PDGFD: variants seen among roughly 807,000 people sequenced by gnomAD.
PDGFD encodes platelet derived growth factor D.
Under a neutral mutation model 44.7 loss-of-function variants are expected in PDGFD, and 30 were observed. The ratio of observed to expected loss-of-function variants is 0.67; its 90% CI spans 0.50 to 0.91. The LOEUF is 0.91. Ranked by LOEUF, PDGFD falls within the 40% of genes least tolerant of loss-of-function variation. PDGFD has a pLI of 0.00. For missense variants in PDGFD, 445 were observed against 457.8 expected, an observed-to-expected ratio of 0.97 and a Z score of 0.25; for synonymous variants, 173 against 168.4, an observed-to-expected ratio of 1.03 and a Z score of -0.21.
chr11:104,078,021 T>TACTGGTTATGCC (rs1555050554), intron 1 of PDGFD, among the ~76,000 whole-genome samples: 247 of 151,254 alleles, frequency 1.6e-3, no homozygotes, highest in Middle Eastern at 6.8e-3. Flanking sequence ...ACAGGAAATA[T>TACTGGTTATGCC]GCTGGTTATG....
At chr11:104,106,766 C>A (rs545294376) in intron 1 of PDGFD, among the ~76,000 whole-genome samples, 2 of 147,852 alleles carry the variant, frequency 1.4e-5, no homozygotes, top group Non-Finnish European at 3.0e-5. Flanking sequence ...TTTTTCAAGT[C>A]AGAATCTCAC....
intron 1 of PDGFD, among the ~76,000 whole-genome samples, chr11:104,062,371 T>C (rs1372347523): frequency 3.3e-5 from 5 of 152,246 alleles, no homozygotes; most frequent in South Asian, 2.1e-4. Context: ...TCGTAAGATC[T>C]GGCTCTTCCT....
intron 1 of PDGFD, among the ~76,000 whole-genome samples, chr11:104,111,103 T>A (rs185625908): frequency 1.1e-4 from 16 of 152,128 alleles, no homozygotes; most frequent in Middle Eastern, 3.4e-3. Context: ...ATAACACTGA[T>A]TATAACTACA....
intron 6 of PDGFD, among the ~76,000 whole-genome samples, chr11:103,924,836 T>G (rs553510353): frequency 6.6e-6 from 1 of 152,192 alleles, no homozygotes; most frequent in African/African-American, 2.4e-5. Flanking sequence ...TATTATACTT[T>G]AAGTTGTGGG....
At chr11:103,987,065 A>ACCCC (rs10565380) in intron 3 of PDGFD, among the ~76,000 whole-genome samples, 47 of 141,624 alleles carry the variant, frequency 3.3e-4, no homozygotes, top group East Asian at 4.3e-4. Flanking sequence ...CCACTTTCCA[A>ACCCC]CCCCCCCCCA....
intron 1 of PDGFD, among the ~76,000 whole-genome samples, chr11:104,001,524 A>G (rs915598366): frequency 6.6e-6 from 1 of 152,218 alleles, no homozygotes. Flanking sequence ...GGGTCCCCCA[A>G]ACTTGCAGCT....
chr11:103,924,412 G>A (rs1265388114), intron 6 of PDGFD, among the ~76,000 whole-genome samples: 2 of 152,152 alleles, frequency 1.3e-5, no homozygotes, highest in Non-Finnish European at 2.9e-5. Context: ...GAGTTCATCA[G>A]TTCATACAAA....
At chr11:104,008,373 T>C (rs766174540) in intron 1 of PDGFD, among the ~76,000 whole-genome samples, 2 of 152,146 alleles carry the variant, frequency 1.3e-5, no homozygotes, top group Non-Finnish European at 2.9e-5. Flanking sequence ...ATATGTAACA[T>C]TTTATTATAT....
chr11:104,000,899 T>C (rs1327411710), intron 1 of PDGFD, among the ~76,000 whole-genome samples: 1 of 152,252 alleles, frequency 6.6e-6, no homozygotes, highest in Non-Finnish European at 1.5e-5. Context: ...GTTTTTGTAC[T>C]GGGTTCTTGG....
chr11:104,007,545 C>T (rs746086994), intron 1 of PDGFD, among the ~76,000 whole-genome samples: 6 of 152,122 alleles, frequency 3.9e-5, no homozygotes, highest in Non-Finnish European at 8.8e-5. Flanking sequence ...CAGGCTGTGC[C>T]ATCTCACACA....
At chr11:103,938,310 A>T (rs947238740) in intron 5 of PDGFD, among the ~76,000 whole-genome samples, 15 of 152,200 alleles carry the variant, frequency 9.9e-5, no homozygotes, top group African/African-American at 3.1e-4. Flanking sequence ...GCCAGTGATG[A>T]TGAGTATTTT....
chr11:103,948,095 T>C (rs577246613), intron 3 of PDGFD, among the ~76,000 whole-genome samples: 11 of 152,332 alleles, frequency 7.2e-5, no homozygotes, highest in African/African-American at 2.4e-4. Context: ...ATGCATTAAT[T>C]ATGTAATTAC....
chr11:104,019,381 C>T (rs1859915539), intron 1 of PDGFD, among the ~76,000 whole-genome samples: 1 of 152,000 alleles, frequency 6.6e-6, no homozygotes, highest in Non-Finnish European at 1.5e-5. Flanking sequence ...ACAAATGAGG[C>T]CCATTAATGT....
At chr11:104,129,341 A>G (rs139780327) in intron 1 of PDGFD, among the ~76,000 whole-genome samples, 38 of 152,108 alleles carry the variant, frequency 2.5e-4, no homozygotes, top group African/African-American at 9.2e-4. Flanking sequence ...ACTGACACAT[A>G]ACAGCCGCAT....
chr11:103,950,635 T>C (rs1188109171), intron 3 of PDGFD, among the ~76,000 whole-genome samples: 1 of 151,088 alleles, frequency 6.6e-6, no homozygotes, highest in Non-Finnish European at 1.5e-5. Flanking sequence ...ATGTGTTCTG[T>C]ATCATGTACC....
intron 6 of PDGFD, among the ~76,000 whole-genome samples, chr11:103,915,383 C>T (rs190022308): frequency 3.3e-5 from 5 of 152,238 alleles, no homozygotes; most frequent in Non-Finnish European, 7.4e-5. Context: ...AGGAATACAA[C>T]TTACAAGGGA....
chr11:104,104,488 C>T lies in PDGFD; in HGVS notation c.124+59316G>A, dbSNP rs73614560. ...AGGGGTAACCACTGTATATCTTTTA[C>T]AATATATTTTTATTATACCTCTCCT... is the stretch of plus-strand genomic sequence containing the variant. On this transcript the variant is annotated intron_variant, in intron 1 of 6. Transcript: ENST00000393158. Among the ~76,000 whole-genome samples, 453 of 152,128 alleles carry T rather than the reference C, an allele frequency of 3.0e-3. 1 individual carries two copies. The highest frequency in any genetic ancestry group is 0.01 in the African/African-American group (435 of 41,512).
chr11:103,910,797 C>A (rs1459067000), intron 6 of PDGFD, among the ~76,000 whole-genome samples: 1 of 145,548 alleles, frequency 6.9e-6, no homozygotes, highest in South Asian at 2.2e-4. Flanking sequence ...TGGGTCCCAC[C>A]CCCATGGAGC....
chr11:103,980,480 G>GAATA (rs753089827), intron 3 of PDGFD, among the ~76,000 whole-genome samples: 75 of 152,082 alleles, frequency 4.9e-4, no homozygotes, highest in Non-Finnish European at 9.6e-4. Context: ...TGTCATTGCT[G>GAATA]AATACAGCTA....
Sources: gnomAD v4.1 joint callset for allele counts (sites outside exome capture counted in the v4.1 genomes callset) on GRCh38, gnomAD v4.1.1 for gene constraint, MANE v1.5 for transcripts, NCBI Gene and HGNC (gene_info 2026-07-23, HGNC 2026-07-21) for gene names.